ATP2C1: variants seen among roughly 807,000 people sequenced by gnomAD.
ATP2C1 encodes ATPase secretory pathway Ca2+ transporting 1.
ATP2C1 carries 31 observed loss-of-function variants against 120.5 expected under a neutral mutation model. That is an observed-to-expected ratio of 0.26 (90% CI 0.19 to 0.35). The LOEUF is 0.35. ATP2C1 is among the 10% of genes least tolerant of loss of function. The pLI, the probability that ATP2C1 is intolerant of heterozygous loss-of-function variation, is 1.00. For synonymous variants in ATP2C1, 351 were observed against 358.7 expected, an observed-to-expected ratio of 0.98 and a Z score of 0.24; for missense variants, 731 against 1,107.5, an observed-to-expected ratio of 0.66 and a Z score of 4.83.
At chr3:130,998,067 A>G (rs2062714318) in intron 25 of ATP2C1, among the ~76,000 whole-genome samples, 1 of 152,102 alleles carries the variant, frequency 6.6e-6, no homozygotes, top group East Asian at 1.9e-4. Context: ...CAGTATTTTA[A>G]TATCTAATAC....
At chr3:130,934,542 G>GT (rs34266677) in intron 4 of ATP2C1, 80 bp from the exon 5 acceptor site, 84,791 of 620,020 alleles carry the variant, frequency 0.14, 5 homozygotes, top group South Asian at 0.19. Context: ...TGCTCTTATG[G>GT]TTTTTTTTTT....
intron 1 of ATP2C1, among the ~76,000 whole-genome samples, chr3:130,853,646 T>C (rs1438176072): frequency 6.6e-6 from 1 of 152,216 alleles, no homozygotes; most frequent in East Asian, 1.9e-4. Flanking sequence ...AAAAGCTTTC[T>C]CCAGTGCTGC....
chr3:130,941,250 G>GTGTC, intron 7 of ATP2C1, among the ~76,000 whole-genome samples: 1 of 149,726 alleles, frequency 6.7e-6, no homozygotes, highest in African/African-American at 2.5e-5. Context: ...GTGTGTGTGT[G>GTGTC]TGTGTGTGTG....
At chr3:130,943,547 A>C (rs557221942) in intron 8 of ATP2C1, among the ~76,000 whole-genome samples, 1 of 152,148 alleles carries the variant, frequency 6.6e-6, no homozygotes, top group African/African-American at 2.4e-5. Context: ...AATTATAAGC[A>C]TATGTCTTGT....
At position 130,978,474 on chromosome 3, in the gene ATP2C1, C is replaced by A. The variant is rs114483056; in HGVS notation, c.1571-775C>A. Among the ~76,000 whole-genome samples the A allele has an allele frequency of 3.1e-3, 468 of 152,052 alleles. 5 individuals are homozygous for A. Among genetic ancestry groups the A allele is most frequent in the African/African-American group, 0.011 (436 of 41,460 alleles). On this transcript the variant is annotated intron_variant, in intron 18 of 27. Coordinates refer to ENST00000510168, the MANE Select transcript of ATP2C1 (RefSeq NM_001378687.1). ...GTTAATAAAAGTAGTTTCCGGAGTT[C>A]CATAATTCTGAGAGCAAGCTAAATG...
At chr3:131,004,157 C>T (rs114416289), downstream of ATP2C1, among the ~76,000 whole-genome samples, 371 of 152,274 alleles carry the variant, frequency 2.4e-3, no homozygotes, top group African/African-American at 8.6e-3. Context: ...TTTAAAAATA[C>T]ACATAGATTA....
intron 19 of ATP2C1, 88 bp downstream of exon 19, chr3:130,979,507 G>A (rs945029635): frequency 1.5e-6 from 2 of 1,339,722 alleles, no homozygotes; most frequent in African/African-American, 2.9e-5. Context: ...TTATGAATAT[G>A]TTTATGTAAT....
intron 12 of ATP2C1, 21 bp downstream of exon 12, chr3:130,959,362 A>C (rs763490457): frequency 6.5e-7 from 1 of 1,540,634 alleles, no homozygotes. Flanking sequence ...ATACTTTATA[A>C]TTGGAGTCTC....
intron 1 of ATP2C1, among the ~76,000 whole-genome samples, chr3:130,883,120 A>G (rs1229373456): frequency 6.6e-6 from 1 of 152,134 alleles, no homozygotes; most frequent in Non-Finnish European, 1.5e-5. Flanking sequence ...AAATTTTCCA[A>G]TTTATTAGCA....
At chr3:130,920,172 A>G (rs895794730) in intron 2 of ATP2C1, among the ~76,000 whole-genome samples, 3 of 152,128 alleles carry the variant, frequency 2.0e-5, no homozygotes, top group South Asian at 2.1e-4. Flanking sequence ...TTTGCTGCGT[A>G]GAAGCTTTTT....
upstream of ATP2C1, among the ~76,000 whole-genome samples, chr3:130,890,121 T>C (rs1028352386): frequency 6.6e-6 from 1 of 152,248 alleles, no homozygotes; most frequent in African/African-American, 2.4e-5. Flanking sequence ...TATTTACTGC[T>C]GTCAAATGTT....
intron 2 of ATP2C1, among the ~76,000 whole-genome samples, chr3:130,901,298 G>C (rs2057808705): frequency 6.6e-6 from 1 of 152,042 alleles, no homozygotes; most frequent in Non-Finnish European, 1.5e-5. Context: ...CTGCTCTGAA[G>C]TCTGCCAGCC....
In ATP2C1 at chr3:130,934,629, A is replaced by C; in HGVS notation, c.242A>C (p.Asn81Thr). The change falls in exon 5 of 28, where the codon AAT becomes ACT. Residue 81 changes from asparagine to threonine, a missense_variant. Coordinates refer to ENST00000510168, the MANE Select transcript of ATP2C1 (RefSeq NM_001378687.1). ...GTTTGTTTTTACTTTCAGTTTAAAAATCCCCTTATTATGCTGCTTCTGGCT... is the reference window on the plus strand; with the variant it reads ...GTTTGTTTTTACTTTCAGTTTAAAACTCCCCTTATTATGCTGCTTCTGGCT... ...LWKKYISQFKNPLIMLLLASA... is the reference protein window; with the variant it reads ...LWKKYISQFKTPLIMLLLASA... The C allele has an allele frequency of 6.2e-7, 1 of 1,610,894 alleles. No individual in the cohort carries two copies. Among genetic ancestry groups the C allele is most frequent in the Non-Finnish European group, 8.5e-7 (1 of 1,177,238 alleles).
At position 130,966,203 on chromosome 3, in the gene ATP2C1, A is replaced by G. The variant is rs1011414817; in HGVS notation, c.1123-942A>G. Reference sequence around the variant, plus strand: ...CATAGGTTTTGAAAAGAGACTCTTGATATTTACGGTGTTAGATCTGGTCAA... The same window carrying G: ...CATAGGTTTTGAAAAGAGACTCTTGGTATTTACGGTGTTAGATCTGGTCAA... On this transcript the variant is annotated intron_variant, in intron 14 of 27. Coordinates refer to ENST00000510168, the MANE Select transcript of ATP2C1 (RefSeq NM_001378687.1). Among the ~76,000 whole-genome samples the G allele has an allele frequency of 2.7e-4, 41 of 152,244 alleles. 1 individual carries two copies. The highest frequency in any genetic ancestry group is 5.1e-4 in the Non-Finnish European group (35 of 68,010).
intron 8 of ATP2C1, among the ~76,000 whole-genome samples, chr3:130,944,747 G>A (rs552576915): frequency 6.6e-6 from 1 of 152,138 alleles, no homozygotes; most frequent in African/African-American, 2.4e-5. Flanking sequence ...TCCCTTGCCT[G>A]TGTCAGGTTT....
chr3:131,007,072 T>TGATAAATCTAA (rs201366519), downstream of ATP2C1, among the ~76,000 whole-genome samples: 619 of 152,372 alleles, frequency 4.1e-3, 16 homozygotes, highest in Admixed American at 0.036. Flanking sequence ...AAACACTTGT[T>TGATAAATCTAA]GATAAATCTA....
At chr3:130,970,378 A>ACACACC (rs1296314826) in intron 17 of ATP2C1, among the ~76,000 whole-genome samples, 2 of 141,828 alleles carry the variant, frequency 1.4e-5, no homozygotes, top group Non-Finnish European at 3.0e-5. Context: ...TTACACACAC[A>ACACACC]CACACACACA....
chr3:130,956,815 G>A lies in ATP2C1; in HGVS notation c.832+636G>A, dbSNP rs570642630. ...TTCACAGTTCATTATTAGGGAAACC[G>A]AATGCTTTGTCATGTGTGGGTTGAT... On this transcript the variant is annotated intron_variant, in intron 11 of 27. Transcript: ENST00000510168. Among the ~76,000 whole-genome samples the A allele has an allele frequency of 9.2e-5, 14 of 152,200 alleles. No homozygotes were observed. The East Asian group carries it at 1.4e-3, about 15-fold the overall frequency.
At chr3:131,007,335 CA>C (rs1427980667), downstream of ATP2C1, among the ~76,000 whole-genome samples, 1 of 152,188 alleles carries the variant, frequency 6.6e-6, no homozygotes, top group Non-Finnish European at 1.5e-5. Context: ...CTGTTTTACG[CA>C]AATCTGGCCA....
Sources: gnomAD v4.1 joint callset for allele counts (sites outside exome capture counted in the v4.1 genomes callset) on GRCh38, gnomAD v4.1.1 for gene constraint, MANE v1.5 for transcripts, NCBI Gene and HGNC (gene_info 2026-07-23, HGNC 2026-07-21) for gene names.